Variants in CSPP1 observed in about 807,000 individuals in gnomAD.
The protein encoded by CSPP1 is centrosome and spindle pole-associated protein 1.
CSPP1 carries 126 observed loss-of-function variants against 164.4 expected under a neutral mutation model. The ratio of observed to expected loss-of-function variants is 0.77; its 90% CI spans 0.66 to 0.89. CSPP1 has a LOEUF of 0.89. Among genes scored for constraint, CSPP1 ranks in the 40% least tolerant of loss-of-function variants. CSPP1 has a pLI of 0.00. For synonymous variants in CSPP1, 472 were observed against 476.7 expected, an observed-to-expected ratio of 0.99 and a Z score of 0.13; for missense variants, 1,395 against 1,449.8, an observed-to-expected ratio of 0.96 and a Z score of 0.61.
chr8:67,183,070 C>T (rs1833450319), intron 28 of CSPP1, among the ~76,000 whole-genome samples: 1 of 152,174 alleles, frequency 6.6e-6, no homozygotes, highest in South Asian at 2.1e-4. Context: ...ATGAAGCTTT[C>T]CTCATATGCT....
At chr8:67,168,078 C>T (rs1028063220) in intron 24 of CSPP1, among the ~76,000 whole-genome samples, 3 of 152,162 alleles carry the variant, frequency 2.0e-5, no homozygotes, top group South Asian at 2.1e-4. Context: ...GCAGATCACT[C>T]GTGGTTAGGA....
At chr8:67,139,833 G>A (rs574885379) in intron 17 of CSPP1, among the ~76,000 whole-genome samples, 3 of 152,172 alleles carry the variant, frequency 2.0e-5, no homozygotes, top group African/African-American at 7.2e-5. Flanking sequence ...TCACACACCG[G>A]GGCCTGTTGT....
chr8:67,129,441 T>C (rs1390167406), intron 15 of CSPP1, among the ~76,000 whole-genome samples: 1 of 152,162 alleles, frequency 6.6e-6, no homozygotes, highest in South Asian at 2.1e-4. Flanking sequence ...AAAATCAATA[T>C]ACAAAAAGCA....
intron 24 of CSPP1, among the ~76,000 whole-genome samples, chr8:67,165,615 T>C (rs576075773): frequency 3.9e-5 from 6 of 152,318 alleles, no homozygotes; most frequent in African/African-American, 1.4e-4. Flanking sequence ...GTAGAATGCC[T>C]CCTCCTCCAG....
At chr8:67,122,620 T>C (rs1207983384) in intron 15 of CSPP1, among the ~76,000 whole-genome samples, 1 of 152,224 alleles carries the variant, frequency 6.6e-6, no homozygotes, top group East Asian at 1.9e-4. Context: ...AGTCAGTCCT[T>C]TTTAATTTAT....
chr8:67,089,834 T>G (rs571702601), intron 4 of CSPP1, among the ~76,000 whole-genome samples: 184 of 150,940 alleles, frequency 1.2e-3, no homozygotes, highest in Admixed American at 2.0e-3. Context: ...AAAAAAAAGT[T>G]TTTTTTTTGT....
chr8:67,085,988 G>A lies in CSPP1; in HGVS notation c.200-19G>A. The A allele has an allele frequency of 1.0e-6, 1 of 993,376 alleles. No individual in the cohort carries two copies. Among genetic ancestry groups the A allele is most frequent in the Non-Finnish European group, 1.6e-6 (1 of 615,274 alleles). The allele number at this position is 993,376 out of a possible 1,614,324, so 61.5% of individuals were successfully genotyped here. A position where few individuals can be genotyped will look rare whatever the true frequency, so the allele number is the denominator to read the frequency against. The stretch of plus-strand genomic sequence containing the variant: ...TTGGTTTGAAAATGAATTATACTAA[G>A]AAGTTGTTTTTTTTCTAGGAATTGA... On this transcript the variant is annotated intron_variant, in intron 3 of 30. Transcript: ENST00000678616.
chr8:67,163,885 C>T, intron 23 of CSPP1, 87 bp downstream of exon 23: 1 of 1,103,576 alleles, frequency 9.1e-7, no homozygotes, highest in Non-Finnish European at 1.3e-6. Flanking sequence ...TAGAAAATTG[C>T]AGAAACAGTA....
chr8:67,121,656 A>G (rs1819001905), intron 15 of CSPP1, among the ~76,000 whole-genome samples: 1 of 152,168 alleles, frequency 6.6e-6, no homozygotes, highest in Non-Finnish European at 1.5e-5. Context: ...TGGTATAAGC[A>G]TAATGTTGGG....
intron 28 of CSPP1, among the ~76,000 whole-genome samples, chr8:67,186,478 A>C (rs1834629590): frequency 6.6e-6 from 1 of 152,148 alleles, no homozygotes. Context: ...CAAATCTGAT[A>C]ACCTAAAGTC....
intron 19 of CSPP1, among the ~76,000 whole-genome samples, 174 bp downstream of exon 19, chr8:67,154,310 TAAAC>T (rs1348213049): frequency 6.6e-6 from 1 of 152,144 alleles, no homozygotes; most frequent in East Asian, 1.9e-4. Context: ...TTCAAGGAAA[TAAAC>T]AGATGTATTA....
intron 24 of CSPP1, among the ~76,000 whole-genome samples, chr8:67,166,276 T>A (rs1414875503): frequency 6.6e-6 from 1 of 152,234 alleles, no homozygotes; most frequent in Non-Finnish European, 1.5e-5. Flanking sequence ...TGCTTATTGC[T>A]GGGTGTCACT....
At chr8:67,094,768 C>T (rs1366039723) in intron 6 of CSPP1, among the ~76,000 whole-genome samples, 2 of 152,080 alleles carry the variant, frequency 1.3e-5, no homozygotes, top group African/African-American at 2.4e-5. Context: ...AGATAACGAG[C>T]GTATCCTGTA....
chr8:67,100,306 G>A (rs1473547704), intron 7 of CSPP1, among the ~76,000 whole-genome samples: 1 of 152,066 alleles, frequency 6.6e-6, no homozygotes. Context: ...CTTTGAAAAT[G>A]ACCTCTTGTG....
chr8:67,095,989 T>C (rs921405114), intron 7 of CSPP1, among the ~76,000 whole-genome samples: 1 of 152,168 alleles, frequency 6.6e-6, no homozygotes, highest in Admixed American at 6.5e-5. Context: ...AGTATGTGAA[T>C]TGGAAGTAGT....
chr8:67,168,213 G>C (rs2129564697), intron 24 of CSPP1, among the ~76,000 whole-genome samples: 1 of 152,046 alleles, frequency 6.6e-6, no homozygotes, highest in South Asian at 2.1e-4. Context: ...AGGAGAATCA[G>C]GCAGGGAGGT....
At chr8:67,107,070 T>C (rs1326340647) in intron 9 of CSPP1, among the ~76,000 whole-genome samples, 4 of 151,862 alleles carry the variant, frequency 2.6e-5, no homozygotes, top group Non-Finnish European at 5.9e-5. Context: ...AATTTTGAAA[T>C]TGAGTTTCGC....
intron 16 of CSPP1, chr8:67,134,904 G>C (rs913845109): frequency 6.6e-6 from 1 of 152,134 alleles, no homozygotes; most frequent in African/African-American, 2.4e-5. Flanking sequence ...TTTCAGAATG[G>C]TATATTAGCA....
intron 8 of CSPP1, among the ~76,000 whole-genome samples, chr8:67,105,351 T>C (rs1173177336): frequency 2.0e-5 from 3 of 152,016 alleles, no homozygotes; most frequent in Non-Finnish European, 2.9e-5. Context: ...TGAGAACCTA[T>C]ACAGCCAGTG....
Sources: gnomAD v4.1 joint callset for allele counts (sites outside exome capture counted in the v4.1 genomes callset) on GRCh38, gnomAD v4.1.1 for gene constraint, MANE v1.5 for transcripts, NCBI Gene and HGNC (gene_info 2026-07-23, HGNC 2026-07-21) for gene names.